SCN8A: variants seen among roughly 807,000 people sequenced by gnomAD.
SCN8A encodes sodium channel protein type 8 subunit alpha.
A neutral mutation model predicts 184.1 loss-of-function variants in SCN8A; 30 were observed. The ratio of observed to expected loss-of-function variants is 0.16; its 90% CI spans 0.12 to 0.22. SCN8A has a LOEUF of 0.22. Among genes scored for constraint, SCN8A ranks in the 10% least tolerant of loss-of-function variants. The pLI, the probability that SCN8A is intolerant of heterozygous loss-of-function variation, is 1.00. For missense variants in SCN8A, 1,057 were observed against 2,498.9 expected (o/e 0.42, Z 12.30); for synonymous variants, 852 against 907.0 (o/e 0.94, Z 1.09).
intron 1 of SCN8A, among the ~76,000 whole-genome samples, chr12:51,598,822 G>T (rs1461378817): frequency 2.6e-5 from 4 of 151,430 alleles, no homozygotes; most frequent in Non-Finnish European, 5.9e-5. Flanking sequence ...TAGTTCCATT[G>T]TCTTTTAAGG....
intron 3 of SCN8A, 123 bp from the exon 4 acceptor site, chr12:51,686,245 C>G: frequency 1.5e-6 from 1 of 681,892 alleles, no homozygotes. Context: ...GCATTTTTCT[C>G]TTCTGTGCTT....
intron 26 of SCN8A, among the ~76,000 whole-genome samples, chr12:51,800,533 C>A (rs867770331): frequency 6.6e-6 from 1 of 152,326 alleles, no homozygotes; most frequent in Middle Eastern, 3.4e-3. Context: ...TCCATTTGGC[C>A]TTTCCCACCA....
intron 10 of SCN8A, among the ~76,000 whole-genome samples, chr12:51,705,876 G>A (rs1051024598): frequency 2.6e-5 from 4 of 152,116 alleles, no homozygotes; most frequent in African/African-American, 9.7e-5. Context: ...CATGATGACT[G>A]GGAAGAAAAA....
At chr12:51,792,118 G>T (rs540410361) in intron 25 of SCN8A, among the ~76,000 whole-genome samples, 1 of 152,004 alleles carries the variant, frequency 6.6e-6, no homozygotes, top group East Asian at 1.9e-4. Context: ...TTAACTAGAG[G>T]GCTATAAGTG....
In SCN8A at chr12:51,639,380, A is replaced by G. The variant is rs1940391870; in HGVS notation, c.-54-23384A>G. 2.6e-5 allele frequency among the ~76,000 whole-genome samples: 4 copies of G among 152,098 alleles called. No homozygotes were observed. The South Asian group carries it at 8.3e-4, about 31-fold the overall frequency. ...TAAACTTAGTTGATAAAGTAGCAGC[A>G]AGGTTTGAGAGGACTGACTCCAATT... On this transcript the variant is annotated intron_variant, in intron 1 of 26. Coordinates refer to ENST00000627620, the MANE Select transcript of SCN8A (RefSeq NM_001330260.2).
rs1156980904 is a variant in SCN8A at position 51,670,298 on chromosome 12, CCCTGTG to C, written c.276+7206_276+7211del. ...TGGGAAATCTTATTTCTGATCCCAT[CCCTGTG>C]TAATTCCAGGTGATCTTGGGCATGC... On this transcript the variant is annotated intron_variant, in intron 2 of 26. Coordinates refer to ENST00000627620, the MANE Select transcript of SCN8A (RefSeq NM_001330260.2). 4.6e-5 allele frequency among the ~76,000 whole-genome samples: 7 copies of C among 152,176 alleles called. No homozygotes were observed. The East Asian group carries it at 1.3e-3, about 29-fold the overall frequency.
At position 51,671,670 on chromosome 12, in the gene SCN8A, T is replaced by G. The variant is rs140134857; in HGVS notation, c.276+8577T>G. On this transcript the variant is annotated intron_variant, in intron 2 of 26. Transcript: ENST00000627620. ...AATAATTAAACATATTTTAAGTGCT[T>G]TCTTAGTTAAGGAGAGAAAACTGTG... Among the ~76,000 whole-genome samples, 1,453 of 152,356 alleles carry G rather than the reference T, an allele frequency of 9.5e-3. 19 individuals carry two copies. Among genetic ancestry groups the G allele is most frequent in the African/African-American group, 0.032 (1,315 of 41,588 alleles).
Position 51,746,043 on chromosome 12 carries a change from C to T in SCN8A, c.2131+8C>T, listed in dbSNP as rs1423000001. 1.3e-6 allele frequency: 2 copies of T among 1,589,366 alleles called. 1 individual carries two copies. Among genetic ancestry groups the T allele is most frequent in the South Asian group, 2.3e-5 (2 of 85,212 alleles). On this transcript the variant is annotated splice_region_variant and intron_variant, in intron 13 of 26. Transcript: ENST00000627620. ...CAAATACACTAGTAGAAGGTATGTG[C>T]CCTATAATGTCAGTCCAACCGCTGA...
At chr12:51,606,270 G>T (rs950581401) in intron 1 of SCN8A, among the ~76,000 whole-genome samples, 5 of 152,148 alleles carry the variant, frequency 3.3e-5, no homozygotes, top group Non-Finnish European at 5.9e-5. Context: ...TTTGTATAAG[G>T]TGAGAGATGA....
At chr12:51,724,122 A>G (rs1201766379) in intron 12 of SCN8A, among the ~76,000 whole-genome samples, 1 of 152,190 alleles carries the variant, frequency 6.6e-6, no homozygotes, top group African/African-American at 2.4e-5. Context: ...TTCTCTTTAG[A>G]TTGTATAAAT....
At position 51,721,816 on chromosome 12, in the gene SCN8A, A is replaced by G. The variant is rs2138783052; in HGVS notation, c.1906A>G (p.Ser636Gly). Reference sequence around the variant, plus strand: ...GCGCATCTTCCCCAGCCTGCGGCGCAGCGTGAAGCGCAACAGCACGGTGGA... The same window carrying G: ...GCGCATCTTCCCCAGCCTGCGGCGCGGCGTGAAGCGCAACAGCACGGTGGA... Reference protein sequence around the residue: ...SSRIFPSLRRSVKRNSTVDCN... With the variant: ...SSRIFPSLRRGVKRNSTVDCN... The change falls in exon 12 of 27, where the codon AGC becomes GGC. Residue 636 changes from serine (S) to glycine (G), a missense_variant. By Grantham distance (56) the Ser-to-Gly change is moderately conservative. This residue lies in a region of SCN8A where 322 missense variants were observed against 390.1 expected (regional missense o/e 0.83). Coordinates refer to ENST00000627620, the MANE Select transcript of SCN8A (RefSeq NM_001330260.2). The G allele has an allele frequency of 6.2e-7, 1 of 1,607,434 alleles. No individual in the cohort carries two copies. The highest frequency in any genetic ancestry group is 8.5e-7 in the Non-Finnish European group (1 of 1,179,554).
chr12:51,640,176 G>T (rs1440838776), intron 1 of SCN8A, among the ~76,000 whole-genome samples: 1 of 121,566 alleles, frequency 8.2e-6, no homozygotes, highest in Non-Finnish European at 1.6e-5. Flanking sequence ...CTCACAAAGT[G>T]CTGGGATTAC....
chr12:51,778,417 T>C (rs576417088), intron 20 of SCN8A, among the ~76,000 whole-genome samples: 17 of 152,282 alleles, frequency 1.1e-4, no homozygotes, highest in African/African-American at 3.8e-4. Context: ...TCCAAGCAGC[T>C]GGGATTACAG....
intron 13 of SCN8A, 73 bp downstream of exon 13, chr12:51,746,108 T>G (rs1226164143): frequency 2.9e-6 from 4 of 1,384,682 alleles, no homozygotes; most frequent in Non-Finnish European, 3.8e-6. Context: ...ATAATCCCTG[T>G]CCCTTGGTCT....
At chr12:51,782,361 G>A (rs1281966915) in intron 21 of SCN8A, among the ~76,000 whole-genome samples, 1 of 152,204 alleles carries the variant, frequency 6.6e-6, no homozygotes, top group Non-Finnish European at 1.5e-5. Context: ...TGGTTAAAAT[G>A]TTCTTCTCTG....
At chr12:51,690,525 A>G (rs186430491) in intron 6 of SCN8A, among the ~76,000 whole-genome samples, 1 of 151,648 alleles carries the variant, frequency 6.6e-6, no homozygotes, top group Non-Finnish European at 1.5e-5. Flanking sequence ...GCTCATTTTT[A>G]AAAAAAAATT....
intron 3 of SCN8A, among the ~76,000 whole-genome samples, chr12:51,685,956 C>A (rs1282160475): frequency 6.6e-6 from 1 of 152,098 alleles, no homozygotes; most frequent in Non-Finnish European, 1.5e-5. Context: ...AATTAACTTA[C>A]CAATAAATGA....
chr12:51,609,980 AT>A (rs1366024707), intron 1 of SCN8A, among the ~76,000 whole-genome samples: 5 of 151,772 alleles, frequency 3.3e-5, no homozygotes, highest in African/African-American at 9.7e-5. Context: ...AATAAAAAAA[AT>A]ACAATAAAAT....
At chr12:51,738,505 A>G (rs546447) in intron 12 of SCN8A, among the ~76,000 whole-genome samples, 134,616 of 152,206 alleles carry the variant, frequency 0.88, 59,761 homozygotes, top group East Asian at 0.98. Context: ...TCCCTGAATA[A>G]TTATTTCACA....
Sources: gnomAD v4.1 joint callset for allele counts (sites outside exome capture counted in the v4.1 genomes callset) on GRCh38, gnomAD v4.1.1 for gene constraint, gnomAD v4.1.1 regional missense constraint, MANE v1.5 for transcripts, NCBI Gene and HGNC (gene_info 2026-07-23, HGNC 2026-07-21) for gene names.